The following RAB11FIP3 variants were observed in gnomAD, a reference collection of about 807,000 sequenced individuals.
RAB11FIP3 encodes the protein rab11 family-interacting protein 3.
Under a neutral mutation model 77.8 loss-of-function variants are expected in RAB11FIP3, and 17 were observed. The ratio of observed to expected loss-of-function variants is 0.22; its 90% CI spans 0.15 to 0.33. RAB11FIP3 has a LOEUF of 0.33. Among genes scored for constraint, RAB11FIP3 ranks in the 10% least tolerant of loss-of-function variants. The pLI is 1.00. For synonymous variants in RAB11FIP3, 437 were observed against 448.2 expected, an observed-to-expected ratio of 0.98 and a Z score of 0.31; for missense variants, 1,005 against 1,011.2, an observed-to-expected ratio of 0.99 and a Z score of 0.08.
At chr16:447,615 A>G (rs965708862) in intron 1 of RAB11FIP3, among the ~76,000 whole-genome samples, 3 of 152,002 alleles carry the variant, frequency 2.0e-5, no homozygotes, top group Middle Eastern at 3.4e-3. Flanking sequence ...GCAGGCACCT[A>G]TAGTCCCAGC....
rs188368438 is a variant in RAB11FIP3 at position 507,476 on chromosome 16, G to A, written c.1499+1849G>A. Among the ~76,000 whole-genome samples, 28 of 152,192 alleles carry A rather than the reference G, an allele frequency of 1.8e-4. No individual in the cohort carries two copies. Among genetic ancestry groups the A allele is most frequent in the Middle Eastern group, 3.4e-3 (1 of 294 alleles). ...TGCCCATGCTGGTCTCAAACGCCTG[G>A]CCTCAAGCGATCCTCCCACCTTGGC... On this transcript the variant is annotated intron_variant, in intron 8 of 13. Transcript: ENST00000262305. The surrounding 1 kb of genome is among the most constrained non-coding windows in gnomAD (Gnocchi z 4.6).
chr16:439,675 CT>C (rs1178957342), intron 1 of RAB11FIP3, among the ~76,000 whole-genome samples: 2 of 152,058 alleles, frequency 1.3e-5, no homozygotes, highest in African/African-American at 2.4e-5. Flanking sequence ...CCCAAGGTGA[CT>C]GGGGCACAGC....
chr16:489,208 T>A, intron 5 of RAB11FIP3: 1 of 636,930 alleles, frequency 1.6e-6, no homozygotes, highest in South Asian at 2.1e-5. Flanking sequence ...CATCCCCAGA[T>A]CACTCTACAT....
intron 10 of RAB11FIP3, 43 bp downstream of exon 10, chr16:519,067 C>A: frequency 6.3e-7 from 1 of 1,585,834 alleles, no homozygotes; most frequent in African/African-American, 1.3e-5. Context: ...TGGGGCCAGC[C>A]CATGCCCTGC....
In RAB11FIP3 at chr16:461,436, T is replaced by G. The variant is rs137963733; in HGVS notation, c.747T>G (p.Ser249Arg). 1,654 of 1,613,938 alleles carry G rather than the reference T, an allele frequency of 1.0e-3. 13 individuals are homozygous for G. The highest frequency in any genetic ancestry group is 6.3e-4 in the Non-Finnish European group (747 of 1,179,940). Residue 249 changes from serine (S) to arginine (R), a missense_variant, in exon 2 of 14, where the codon AGT becomes AGG. Physicochemically the swap from Ser to Arg is moderately radical, Grantham distance 110. Transcript: ENST00000262305. This position sits in a 1 kb window ranked among gnomAD's most constrained non-coding sequence, Gnocchi z 4.5. ...ACTTAACTAAGTACTTGGATCCCAG[T>G]GGGCTCGGCGTGATCAGCTTTGAAG... ...VKDLTKYLDP[S>R]GLGVISFEDF...
intron 2 of RAB11FIP3, among the ~76,000 whole-genome samples, chr16:464,513 A>G (rs1442945300): frequency 6.6e-6 from 1 of 152,148 alleles, no homozygotes; most frequent in African/African-American, 2.4e-5. Context: ...AGCTGTGCCC[A>G]TGACCCTCGG....
chr16:520,497 C>T lies in RAB11FIP3; in HGVS notation c.2055C>T (p.Asn685=), dbSNP rs201637223. 141 of 1,613,678 alleles carry T rather than the reference C, an allele frequency of 8.7e-5. No individual in the cohort carries two copies. Among genetic ancestry groups the T allele is most frequent in the Non-Finnish European group, 1.1e-4 (132 of 1,180,032 alleles). The part of the protein sequence containing the change: ...RNLKEQNEEL[N]GQIITLSIQG... ...TGAAGGAGCAGAACGAGGAGCTGAA[C>T]GGGCAGATCATTACCCTCAGCATCC... is the stretch of plus-strand genomic sequence containing the variant. Residue 685 remains asparagine, a synonymous_variant, in exon 13 of 14, where the codon AAC becomes AAT. Coordinates refer to ENST00000262305, the MANE Select transcript of RAB11FIP3 (RefSeq NM_014700.4).
In RAB11FIP3 at chr16:434,264, A is replaced by G. The variant is rs576654750; in HGVS notation, c.714+7544A>G. ...AGCCTCCTTAGTAGCTGGGATTACA[A>G]GCATGTGCCACCATGCTCGGCTAAT... On this transcript the variant is annotated intron_variant, in intron 1 of 13. Coordinates refer to ENST00000262305, the MANE Select transcript of RAB11FIP3 (RefSeq NM_014700.4). Among the ~76,000 whole-genome samples the G allele has an allele frequency of 2.5e-3, 386 of 151,978 alleles. 2 individuals carry two copies. Among genetic ancestry groups the G allele is most frequent in the Middle Eastern group, 6.9e-3 (2 of 290 alleles).
At chr16:503,586 G>T (rs1012397240) in intron 7 of RAB11FIP3, among the ~76,000 whole-genome samples, 1 of 152,086 alleles carries the variant, frequency 6.6e-6, no homozygotes, top group African/African-American at 2.4e-5. Context: ...CCGTGGTCAA[G>T]ACCCGCTTTT....
intron 1 of RAB11FIP3, among the ~76,000 whole-genome samples, chr16:441,924 C>T (rs1009242528): frequency 6.6e-6 from 1 of 152,178 alleles, no homozygotes; most frequent in African/African-American, 2.4e-5. Flanking sequence ...CTGTAAGCGC[C>T]ACCTCCCAGG....
At chr16:450,884 G>T (rs1438515850) in intron 1 of RAB11FIP3, among the ~76,000 whole-genome samples, 1 of 99,078 alleles carries the variant, frequency 1.0e-5, no homozygotes, top group Non-Finnish European at 1.9e-5. Flanking sequence ...CCTTCCCCTC[G>T]CCTGGGGCAC....
At chr16:513,289 T>C (rs2032266944) in intron 9 of RAB11FIP3, among the ~76,000 whole-genome samples, 1 of 152,088 alleles carries the variant, frequency 6.6e-6, no homozygotes, top group Non-Finnish European at 1.5e-5. Flanking sequence ...GGCCCTGTCA[T>C]GGCTCACTGC....
chr16:487,000 G>A (rs1284079122), intron 4 of RAB11FIP3, among the ~76,000 whole-genome samples: 1 of 152,204 alleles, frequency 6.6e-6, no homozygotes, highest in Non-Finnish European at 1.5e-5. Flanking sequence ...AATTTTAGAT[G>A]GCGGCTGTGG....
At chr16:435,484 C>T (rs1227225555) in intron 1 of RAB11FIP3, among the ~76,000 whole-genome samples, 1 of 152,176 alleles carries the variant, frequency 6.6e-6, no homozygotes, top group Non-Finnish European at 1.5e-5. Context: ...ATTAGCACTT[C>T]TAAGTTATTA....
intron 1 of RAB11FIP3, among the ~76,000 whole-genome samples, chr16:448,076 G>C (rs1338863506): frequency 6.6e-6 from 1 of 152,164 alleles, no homozygotes; most frequent in Non-Finnish European, 1.5e-5. Context: ...CTAGCATTTT[G>C]GGAGGCCGAG....
intron 1 of RAB11FIP3, chr16:452,393 C>T (rs1243966220): frequency 6.6e-6 from 1 of 152,044 alleles, no homozygotes; most frequent in Non-Finnish European, 1.5e-5. Context: ...CTAAGCAGGC[C>T]TCTTCCTACT....
chr16:477,000 C>T (rs1196385101), intron 3 of RAB11FIP3, among the ~76,000 whole-genome samples: 1 of 149,768 alleles, frequency 6.7e-6, no homozygotes, highest in Non-Finnish European at 1.5e-5. Flanking sequence ...GAGGCAGAAT[C>T]ACTTGAACCT....
At chr16:468,189 AGGAGGTGCAGGGAAGTCAG>A (rs1555502118) in intron 2 of RAB11FIP3, among the ~76,000 whole-genome samples, 2 of 128,400 alleles carry the variant, frequency 1.6e-5, no homozygotes, top group South Asian at 2.6e-4. Flanking sequence ...GGCGTCAGGG[AGGAGGTGCAGGGAAGTCAG>A]GGAGGAGGTG....
intron 2 of RAB11FIP3, among the ~76,000 whole-genome samples, chr16:464,525 A>T (rs2055669862): frequency 6.6e-6 from 1 of 152,102 alleles, no homozygotes; most frequent in African/African-American, 2.4e-5. Context: ...GACCCTCGGG[A>T]TGAGTTTGTT....
Sources: gnomAD v4.1 joint callset for allele counts (sites outside exome capture counted in the v4.1 genomes callset) on GRCh38, gnomAD v4.1.1 for gene constraint, Gnocchi (gnomAD v3.1) non-coding constraint, MANE v1.5 for transcripts, NCBI Gene and HGNC (gene_info 2026-07-23, HGNC 2026-07-21) for gene names.